The following HSPB6 variants were observed in gnomAD, a reference collection of about 807,000 sequenced individuals.
The protein encoded by HSPB6 is heat shock protein beta-6.
HSPB6 carries 8 observed loss-of-function variants against 10.7 expected under a neutral mutation model. The ratio of observed to expected loss-of-function variants is 0.75; its 90% CI spans 0.44 to 1.35. The LOEUF (loss-of-function observed/expected upper bound fraction) is 1.35, where lower values mean the gene tolerates loss of function less well. Among genes scored for constraint, HSPB6 ranks in the 40% most tolerant of loss-of-function variants. The pLI is 0.00. For synonymous variants in HSPB6, 128 were observed against 114.2 expected (o/e 1.12, Z -0.77); for missense variants, 232 against 236.0 (o/e 0.98, Z 0.11).
Position 35,755,692 on chromosome 19 carries a change from G to T in HSPB6, c.322-9C>A, listed in dbSNP as rs766401240. On this transcript the variant is annotated splice_polypyrimidine_tract_variant and intron_variant, in intron 2 of 2. Coordinates refer to ENST00000004982, the MANE Select transcript of HSPB6 (RefSeq NM_144617.3). ...ACGAATCCGTGCTCATCCTGGAGGG[G>T]AGGGAGGCTTGAGCGGCCCCGCCCC... The T allele has an allele frequency of 6.5e-7, 1 of 1,532,398 alleles. No individual in the cohort carries two copies. Among genetic ancestry groups the T allele is most frequent in the South Asian group, 1.2e-5 (1 of 82,320 alleles). 94.9% of individuals were successfully genotyped at this position (1,532,398 alleles called of 1,614,324 possible). A position where few individuals can be genotyped will look rare whatever the true frequency, so the allele number is the denominator to read the frequency against.
chr19:35,755,449 G>C lies in HSPB6; in HGVS notation c.*73C>G. 2 of 1,434,468 alleles carry C rather than the reference G, an allele frequency of 1.4e-6. No homozygotes were observed. Among genetic ancestry groups the C allele is most frequent in the Non-Finnish European group, 1.9e-6 (2 of 1,056,790 alleles). The allele number at this position is 1,434,468 out of a possible 1,614,324, so 88.9% of individuals were successfully genotyped here. A position where few individuals can be genotyped will look rare whatever the true frequency, so the allele number is the denominator to read the frequency against. On this transcript the variant is annotated 3_prime_UTR_variant, in exon 3 of 3. Transcript: ENST00000004982. ...TTGGCGCACTCGGGACATCTGGCTG[G>C]GCGGAGTCAGATCGGCTTTAATAGA...
At position 35,754,701 on chromosome 19, in the gene HSPB6, G is replaced by C. The variant is rs1599738422; in HGVS notation, c.*821C>G. 1.7e-6 allele frequency: 1 copy of C among 593,380 alleles called. No homozygotes were observed. Among genetic ancestry groups the C allele is most frequent in the East Asian group, 2.8e-5 (1 of 35,244 alleles). The allele number at this position is 593,380 out of a possible 1,614,324, so 36.8% of individuals were successfully genotyped here. A position where few individuals can be genotyped will look rare whatever the true frequency, so the allele number is the denominator to read the frequency against. On this transcript the variant is annotated 3_prime_UTR_variant, in exon 3 of 3. Coordinates refer to ENST00000004982, the MANE Select transcript of HSPB6 (RefSeq NM_144617.3). ...GAAGGAGAAGAGGAGGAGGGTGGGA[G>C]GTGGGTTGCCGAGGATATCTGGTTG...
In HSPB6 at chr19:35,755,374, T is replaced by C. The variant is rs1238968121; in HGVS notation, c.*148A>G. ...AAGGGTCTATGTTATCAAGGCAGTG[T>C]CCAGGATGGAGGTCAGGGCAGAATC... On this transcript the variant is annotated 3_prime_UTR_variant, in exon 3 of 3. Coordinates refer to ENST00000004982, the MANE Select transcript of HSPB6 (RefSeq NM_144617.3). 9.8e-6 allele frequency: 8 copies of C among 813,966 alleles called. No individual in the cohort carries two copies. Among genetic ancestry groups the C allele is most frequent in the Admixed American group, 2.0e-5 (1 of 48,914 alleles). 50.4% of individuals were successfully genotyped at this position (813,966 alleles called of 1,614,324 possible). A position where few individuals can be genotyped will look rare whatever the true frequency, so the allele number is the denominator to read the frequency against.
intron 1 of HSPB6, 31 bp from the exon 2 acceptor site, chr19:35,755,925 A>C: frequency 6.5e-7 from 1 of 1,547,330 alleles, no homozygotes; most frequent in Non-Finnish European, 8.7e-7. Context: ...CGGGACTGTC[A>C]TTGGGCTGGG....
At position 35,756,854 on chromosome 19, in the gene HSPB6, G is replaced by T. The variant is rs970296172; in HGVS notation, c.155C>A (p.Pro52His). ...LAALCPTTLAPYYLRAPSVAL... is the reference protein window; with the variant it reads ...LAALCPTTLAHYYLRAPSVAL... ...CACGCTGGGTGCGCGCAGGTAGTAG[G>T]GGGCGAGCGTGGTGGGGCAGAGCGC... The change falls in exon 1 of 3, where the codon CCC becomes CAC. Residue 52 changes from proline (P) to histidine (H), a missense_variant. Pro to His is a moderately conservative substitution (Grantham distance 77). Coordinates refer to ENST00000004982, the MANE Select transcript of HSPB6 (RefSeq NM_144617.3). 1.3e-6 allele frequency: 2 copies of T among 1,537,366 alleles called. No homozygotes were observed. The highest frequency in any genetic ancestry group is 1.7e-6 in the Non-Finnish European group (2 of 1,146,382).
chr19:35,754,988 AG>A lies in HSPB6; in HGVS notation c.*533del. The A allele has an allele frequency of 4.1e-6, 1 of 245,536 alleles. No homozygotes were observed. The highest frequency in any genetic ancestry group is 7.6e-6 in the Non-Finnish European group (1 of 131,738). The allele number at this position is 245,536 out of a possible 1,614,324, so 15.2% of individuals were successfully genotyped here. ...TTGTAGACTGTCTGGTTGCAGGGGA[AG>A]GATCGGGTCTTGGGAACCAGGCCTG... On this transcript the variant is annotated 3_prime_UTR_variant, in exon 3 of 3. Transcript: ENST00000004982.
chr19:35,756,311 C>A (rs1433420365), intron 1 of HSPB6, among the ~76,000 whole-genome samples: 1 of 152,130 alleles, frequency 6.6e-6, no homozygotes, highest in Non-Finnish European at 1.5e-5. Context: ...CCTACTCTCC[C>A]ACTCGAGTCA....
chr19:35,756,074 G>T (rs1970749767), intron 1 of HSPB6, among the ~76,000 whole-genome samples, 180 bp from the exon 2 acceptor site: 2 of 152,008 alleles, frequency 1.3e-5, no homozygotes, highest in African/African-American at 4.8e-5. Context: ...ACAGGGATAC[G>T]CCCTCCCCCT....
Position 35,754,988 on chromosome 19 carries a change from A to G in HSPB6, c.*534T>C. ...TTGTAGACTGTCTGGTTGCAGGGGA[A>G]GGATCGGGTCTTGGGAACCAGGCCT... On this transcript the variant is annotated 3_prime_UTR_variant, in exon 3 of 3. Coordinates refer to ENST00000004982, the MANE Select transcript of HSPB6 (RefSeq NM_144617.3). 1 of 245,536 alleles carries G rather than the reference A, an allele frequency of 4.1e-6. No individual in the cohort carries two copies. Among genetic ancestry groups the G allele is most frequent in the Non-Finnish European group, 7.6e-6 (1 of 131,738 alleles). 15.2% of individuals were successfully genotyped at this position (245,536 alleles called of 1,614,324 possible). A position where few individuals can be genotyped will look rare whatever the true frequency, so the allele number is the denominator to read the frequency against.
At position 35,756,228 on chromosome 19, in the gene HSPB6, G is replaced by A. The variant is rs555860582; in HGVS notation, c.199-334C>T. Among the ~76,000 whole-genome samples, 6 of 152,010 alleles carry A rather than the reference G, an allele frequency of 3.9e-5. No individual in the cohort carries two copies. The East Asian group carries it at 1.2e-3, about 30-fold the overall frequency. On this transcript the variant is annotated intron_variant, in intron 1 of 2. Transcript: ENST00000004982. ...CTGATTCCCCAGCTCCCTCCTCAGA[G>A]CCCCGGGTCCCTTCTCCGCCAGCCC...
At chr19:35,756,409 T>C (rs542944523) in intron 1 of HSPB6, among the ~76,000 whole-genome samples, 1 of 152,216 alleles carries the variant, frequency 6.6e-6, no homozygotes, top group South Asian at 2.1e-4. Flanking sequence ...TCCCCTCCTC[T>C]TCTGGAGATA....
In HSPB6 at chr19:35,755,421, T is replaced by C. The variant is rs1445663811; in HGVS notation, c.*101A>G. ...AATCCAGGAGTGGGTGAGAGGACAG[T>C]CCTTGGCGCACTCGGGACATCTGGC... On this transcript the variant is annotated 3_prime_UTR_variant, in exon 3 of 3. Transcript: ENST00000004982. 7 of 1,229,694 alleles carry C rather than the reference T, an allele frequency of 5.7e-6. No homozygotes were observed. The highest frequency in any genetic ancestry group is 4.0e-5 in the Admixed American group (2 of 49,936). 76.2% of individuals were successfully genotyped at this position (1,229,694 alleles called of 1,614,324 possible).
In HSPB6 at chr19:35,754,677, AAGG is replaced by A. The variant is rs1568403255; in HGVS notation, c.*842_*844del. 1.6e-5 allele frequency: 10 copies of A among 616,068 alleles called. No homozygotes were observed. Among genetic ancestry groups the A allele is most frequent in the Non-Finnish European group, 2.9e-5 (10 of 345,020 alleles). The allele number at this position is 616,068 out of a possible 1,614,324, so 38.2% of individuals were successfully genotyped here. A position where few individuals can be genotyped will look rare whatever the true frequency, so the allele number is the denominator to read the frequency against. ...AGAGCGGGTGCTCAGTTGGGTCTTG[AAGG>A]AGAAGAGGAGGAGGGTGGGAGGTGG... On this transcript the variant is annotated 3_prime_UTR_variant, in exon 3 of 3. Coordinates refer to ENST00000004982, the MANE Select transcript of HSPB6 (RefSeq NM_144617.3).
Position 35,756,969 on chromosome 19 carries a change from G to A in HSPB6, c.40C>T (p.Arg14Cys), listed in dbSNP as rs1206206599. Residue 14 changes from arginine to cysteine, a missense_variant, in exon 1 of 3, where the codon CGC becomes TGC. Arg to Cys is a radical substitution (Grantham distance 180, BLOSUM62 -3). Coordinates refer to ENST00000004982, the MANE Select transcript of HSPB6 (RefSeq NM_144617.3). ...AGTCCGGGCAACGGGGCCGAGGCGCGGCGCAGCCAAGACGGCTGCACAGGC... is the reference window on the plus strand; with the variant it reads ...AGTCCGGGCAACGGGGCCGAGGCGCAGCGCAGCCAAGACGGCTGCACAGGC... Reference protein sequence around the residue: ...PVPVQPSWLRRASAPLPGLSA... With the variant: ...PVPVQPSWLRCASAPLPGLSA... 1.3e-6 allele frequency: 2 copies of A among 1,545,260 alleles called. No individual in the cohort carries two copies. The highest frequency in any genetic ancestry group is 1.7e-6 in the Non-Finnish European group (2 of 1,146,642).
chr19:35,755,988 C>T, intron 1 of HSPB6, 94 bp from the exon 2 acceptor site: 1 of 1,484,548 alleles, frequency 6.7e-7, no homozygotes, highest in South Asian at 1.3e-5. Context: ...TTCCGTGCCG[C>T]GGCTCACTCT....
In HSPB6 at chr19:35,755,135, AG is replaced by A. The variant is rs889385354; in HGVS notation, c.*386del. 4.8e-5 allele frequency: 17 copies of A among 351,092 alleles called. No homozygotes were observed. Among genetic ancestry groups the A allele is most frequent in the Middle Eastern group, 1.8e-3 (2 of 1,118 alleles). The allele number at this position is 351,092 out of a possible 1,614,324, so 21.7% of individuals were successfully genotyped here. A position where few individuals can be genotyped will look rare whatever the true frequency, so the allele number is the denominator to read the frequency against. ...CCATAATTTGGTGTCAAAATAGGGA[AG>A]GGATGGAAATGTAGTACCCGGATGT... On this transcript the variant is annotated 3_prime_UTR_variant, in exon 3 of 3. Transcript: ENST00000004982.
Position 35,755,811 on chromosome 19 carries a change from G to A in HSPB6, c.282C>T (p.Gly94=). 1 of 1,596,188 alleles carries A rather than the reference G, an allele frequency of 6.3e-7. No individual in the cohort carries two copies. The highest frequency in any genetic ancestry group is 1.1e-5 in the South Asian group (1 of 88,146). ...SPEEIAVKVV[G]EHVEVHARHE... ...GGCGCGCGTGCACCTCCACGTGTTC[G>A]CCCACCACCTTGACAGCAATTTCCT... is the stretch of plus-strand genomic sequence containing the variant. The change falls in exon 2 of 3, where the codon GGC becomes GGT. Residue 94 remains glycine, a synonymous_variant. Transcript: ENST00000004982.
At chr19:35,755,728 C>A in intron 2 of HSPB6, 44 bp downstream of exon 2, 1 of 1,527,326 alleles carries the variant, frequency 6.5e-7, no homozygotes, top group Non-Finnish European at 8.8e-7. Context: ...TCCGGCCCGG[C>A]GGCGAGCGTA....
At position 35,755,680 on chromosome 19, in the gene HSPB6, C is replaced by T. The variant is rs955155586; in HGVS notation, c.325G>A (p.Glu109Lys). The T allele has an allele frequency of 1.0e-4, 161 of 1,535,090 alleles. No homozygotes were observed. Among genetic ancestry groups the T allele is most frequent in the Non-Finnish European group, 1.4e-4 (158 of 1,142,976 alleles). ...AACTCGCGCGCGACGAATCCGTGCT[C>T]ATCCTGGAGGGGAGGGAGGCTTGAG... ...VHARHEERPD[E>K]HGFVAREFHR... is the part of the protein sequence containing the mutation. Residue 109 changes from glutamate (E) to lysine (K), a missense_variant, in exon 3 of 3, where the codon GAG (glutamate) becomes AAG (lysine). Glu to Lys is a moderately conservative substitution (Grantham distance 56). Coordinates refer to ENST00000004982, the MANE Select transcript of HSPB6 (RefSeq NM_144617.3).
Sources: gnomAD v4.1 joint callset for allele counts (sites outside exome capture counted in the v4.1 genomes callset) on GRCh38, gnomAD v4.1.1 for gene constraint, MANE v1.5 for transcripts, NCBI Gene and HGNC (gene_info 2026-07-23, HGNC 2026-07-21) for gene names.